The following ESPN variants were observed in gnomAD, a reference collection of about 807,000 sequenced individuals.
The protein encoded by ESPN is autosomal recessive deafness type 36 protein.
ESPN carries 68 observed loss-of-function variants against 77.7 expected under a neutral mutation model. The observed-to-expected ratio is 0.87, with a 90% CI of 0.72 to 1.07. The LOEUF (loss-of-function observed/expected upper bound fraction) is 1.07, where lower values mean the gene tolerates loss of function less well. ESPN is among the 50% of genes least tolerant of loss of function. The pLI, the probability that ESPN is intolerant of heterozygous loss-of-function variation, is 0.00. For synonymous variants in ESPN, 449 were observed against 567.1 expected (o/e 0.79, Z 2.96); for missense variants, 1,060 against 1,239.0 (o/e 0.86, Z 2.17).
chr1:6,448,717 C>A lies in ESPN; in HGVS notation c.1541C>A (p.Pro514His), dbSNP rs1279436261. Residue 514 changes from proline (P) to histidine (H), a missense_variant, in exon 8 of 13, where the codon CCC becomes CAC. This residue lies in a region of ESPN where 130 missense variants were observed against 223.9 expected (regional missense o/e 0.58). Coordinates refer to ENST00000645284, the MANE Select transcript of ESPN (RefSeq NM_031475.3). ...AAGCCCCGCGCCTTCAGCAAGCAGC[C>A]CAGCACGGGGGACTACTACCGGCAG... ...SRKPRAFSKQ[P>H]STGDYYRQLG... 2 of 1,512,020 alleles carry A rather than the reference C, an allele frequency of 1.3e-6. No homozygotes were observed. The highest frequency in any genetic ancestry group is 4.2e-5 in the Admixed American group (2 of 48,192). 93.7% of individuals were successfully genotyped at this position (1,512,020 alleles called of 1,614,324 possible).
intron 5 of ESPN, among the ~76,000 whole-genome samples, 195 bp from the exon 6 acceptor site, chr1:6,444,286 T>C (rs1643746572): frequency 6.6e-6 from 1 of 152,160 alleles, no homozygotes; most frequent in East Asian, 1.9e-4. Flanking sequence ...TGGGTCCTGC[T>C]GCCTGGCGGG....
intron 5 of ESPN, 145 bp downstream of exon 5, chr1:6,441,210 C>A: frequency 8.5e-7 from 1 of 1,173,600 alleles, no homozygotes; most frequent in Non-Finnish European, 1.2e-6. Context: ...CAGCCCAGAA[C>A]CACTGCCTAC....
At position 6,445,757 on chromosome 1, in the gene ESPN, C is replaced by G; in HGVS notation, c.1286C>G (p.Thr429Arg). Reference sequence around the variant, plus strand: ...CCTCGGGGCACGATTGGGAAGCCCACACCCCCACCACCCCCACCCAGCTTC... The same window carrying G: ...CCTCGGGGCACGATTGGGAAGCCCAGACCCCCACCACCCCCACCCAGCTTC... Reference protein sequence around the residue: ...GLPRGTIGKPTPPPPPPSFPP... With the variant: ...GLPRGTIGKPRPPPPPPSFPP... Residue 429 changes from threonine (T) to arginine (R), a missense_variant, in exon 7 of 13, where the codon ACA (threonine) becomes AGA (arginine). Transcript: ENST00000645284. 6.6e-7 allele frequency: 1 copy of G among 1,524,462 alleles called. No homozygotes were observed. The highest frequency in any genetic ancestry group is 8.9e-7 in the Non-Finnish European group (1 of 1,118,992). 94.4% of individuals were successfully genotyped at this position (1,524,462 alleles called of 1,614,324 possible).
Position 6,450,481 on chromosome 1 carries a change from G to A in ESPN, c.1916-1122G>A. The A allele has an allele frequency of 1.0e-6, 1 of 976,688 alleles. No individual in the cohort carries two copies. The highest frequency in any genetic ancestry group is 1.2e-6 in the Non-Finnish European group (1 of 821,568). The allele number at this position is 976,688 out of a possible 1,614,324, so 60.5% of individuals were successfully genotyped here. ...TGAGGCACAGGAAGAGTGAGTAGCT[G>A]CGTGCGCGGCTCCTGGCTGAGGCTG... On this transcript the variant is annotated intron_variant, in intron 8 of 12. Transcript: ENST00000645284. The surrounding 1 kb of genome is among the most constrained non-coding windows in gnomAD (Gnocchi z 4.3).
intron 5 of ESPN, among the ~76,000 whole-genome samples, chr1:6,442,177 G>C (rs113953325): frequency 6.6e-6 from 1 of 152,138 alleles, no homozygotes; most frequent in South Asian, 2.1e-4. Context: ...AGCTGCTAGC[G>C]GTCATAGGAC....
chr1:6,426,837 C>A (rs1046899460), intron 1 of ESPN, among the ~76,000 whole-genome samples: 1 of 152,040 alleles, frequency 6.6e-6, no homozygotes, highest in African/African-American at 2.4e-5. Flanking sequence ...CAGTCTCTGG[C>A]CCCCCCACTC....
In ESPN at chr1:6,447,140, C is replaced by A; in HGVS notation, c.1464+1205C>A. 1 of 153,128 alleles carries A rather than the reference C, an allele frequency of 6.5e-6. No homozygotes were observed. 9.5% of individuals were successfully genotyped at this position (153,128 alleles called of 1,614,324 possible). A position where few individuals can be genotyped will look rare whatever the true frequency, so the allele number is the denominator to read the frequency against. ...CGTGGTCCCCTCCTGGCTGTGTGAG[C>A]CCCCTCCCGGCTGTGTGCGTCCCTC... On this transcript the variant is annotated intron_variant, in intron 7 of 12. Transcript: ENST00000645284. The surrounding 1 kb of genome is among the most constrained non-coding windows in gnomAD (Gnocchi z 5.2).
In ESPN at chr1:6,441,002, C is replaced by T. The variant is rs3817912; in HGVS notation, c.927C>T (p.Ala309=). Residue 309 remains alanine (A), a synonymous_variant, in exon 5 of 13, where the codon GCC becomes GCT. Transcript: ENST00000645284. ...DVRDRDGYTA[A]DLSDFNGHSH... Reference sequence around the variant, plus strand: ...GCGACCGCGACGGGTACACGGCCGCCGACCTGTCGGACTTCAACGGCCACA... The same window carrying T: ...GCGACCGCGACGGGTACACGGCCGCTGACCTGTCGGACTTCAACGGCCACA... 3 of 1,609,704 alleles carry T rather than the reference C, an allele frequency of 1.9e-6. No homozygotes were observed. The highest frequency in any genetic ancestry group is 2.5e-6 in the Non-Finnish European group (3 of 1,179,056).
rs9435259 is a variant in ESPN at position 6,450,394 on chromosome 1, C to G, written c.1916-1209C>G. On this transcript the variant is annotated intron_variant, in intron 8 of 12. Coordinates refer to ENST00000645284, the MANE Select transcript of ESPN (RefSeq NM_031475.3). This position sits in a 1 kb window ranked among gnomAD's most constrained non-coding sequence, Gnocchi z 4.3. Reference sequence around the variant, plus strand: ...CCCCTGCTGTCCCAGTCTCATCCTGCCCCCCCTCCCTCCTAACTCCGCTGT... The same window carrying G: ...CCCCTGCTGTCCCAGTCTCATCCTGGCCCCCCTCCCTCCTAACTCCGCTGT... The G allele has an allele frequency of 4.7e-3, 4,057 of 860,352 alleles. 114 individuals are homozygous for G. The African/African-American group carries it at 0.064, about 14-fold the overall frequency. The allele number at this position is 860,352 out of a possible 1,614,324, so 53.3% of individuals were successfully genotyped here. A position where few individuals can be genotyped will look rare whatever the true frequency, so the allele number is the denominator to read the frequency against.
downstream of ESPN, chr1:6,461,336 G>A (rs1412263403): frequency 2.3e-5 from 32 of 1,408,788 alleles, no homozygotes; most frequent in Non-Finnish European, 3.0e-5. The surrounding 1 kb of genome is among the most constrained non-coding windows in gnomAD (Gnocchi z 6.3). Flanking sequence ...CGTGCCAGCG[G>A]CTTAATAAGT....
intron 10 of ESPN, chr1:6,456,423 TCCGCCTCTGGCCCCGTGGC>T (rs1305522993): frequency 2.9e-6 from 1 of 340,724 alleles, no homozygotes; most frequent in Non-Finnish European, 5.3e-6. Context: ...AGACCAGGTG[TCCGCCTCTGGCCCCGTGGC>T]CTTGCTGAGC....
chr1:6,434,020 C>T (rs184029394), intron 2 of ESPN, among the ~76,000 whole-genome samples: 8 of 152,224 alleles, frequency 5.3e-5, no homozygotes, highest in African/African-American at 1.9e-4. Context: ...CCTGCCTTAG[C>T]CTACCGAGTA....
intron 8 of ESPN, among the ~76,000 whole-genome samples, chr1:6,449,657 C>G (rs955293598): frequency 3.3e-5 from 5 of 152,224 alleles, no homozygotes; most frequent in African/African-American, 1.2e-4. Context: ...GCCAGGGGCC[C>G]TGGGCCAGCC....
rs138584954 is a variant in ESPN at position 6,442,403 on chromosome 1, T to A, written c.990+1338T>A. ...GGCCAACATGGTGAAATCCCATCTC[T>A]ACTAAAAATACAAAAAAAAATTTAG... is the stretch of plus-strand genomic sequence containing the variant. On this transcript the variant is annotated intron_variant, in intron 5 of 12. Transcript: ENST00000645284. Among the ~76,000 whole-genome samples the A allele has an allele frequency of 8.7e-3, 1,319 of 151,532 alleles. 17 individuals carry two copies. Among genetic ancestry groups the A allele is most frequent in the African/African-American group, 0.03 (1,244 of 41,250 alleles).
In ESPN at chr1:6,447,556, C is replaced by G. The variant is rs984883014; in HGVS notation, c.1465-1085C>G. On this transcript the variant is annotated intron_variant, in intron 7 of 12. Transcript: ENST00000645284. This position sits in a 1 kb window ranked among gnomAD's most constrained non-coding sequence, Gnocchi z 5.2. Reference sequence around the variant, plus strand: ...CCACCCGGTCACTCAGTCTTTGGCCCGGCCGCCTCACTCTCCCTCACTGAG... The same window carrying G: ...CCACCCGGTCACTCAGTCTTTGGCCGGGCCGCCTCACTCTCCCTCACTGAG... 1 of 152,348 alleles carries G rather than the reference C, an allele frequency of 6.6e-6. No homozygotes were observed. The highest frequency in any genetic ancestry group is 1.5e-5 in the Non-Finnish European group (1 of 68,136). The allele number at this position is 152,348 out of a possible 1,614,324, so 9.4% of individuals were successfully genotyped here.
At position 6,441,083 on chromosome 1, in the gene ESPN, C is replaced by T; in HGVS notation, c.990+18C>T. 1 of 1,608,480 alleles carries T rather than the reference C, an allele frequency of 6.2e-7. No individual in the cohort carries two copies. Among genetic ancestry groups the T allele is most frequent in the East Asian group, 2.2e-5 (1 of 44,758 alleles). ...AGAACCTGGTACGATCCCTGAGCTG[C>T]TCCTGTCGCATTCTTTCTTCTCGCC... On this transcript the variant is annotated intron_variant, in intron 5 of 12. Coordinates refer to ENST00000645284, the MANE Select transcript of ESPN (RefSeq NM_031475.3).
In ESPN at chr1:6,437,067, C is replaced by G. The variant is rs1458631879; in HGVS notation, c.489-3187C>G. Among the ~76,000 whole-genome samples, 3 of 152,046 alleles carry G rather than the reference C, an allele frequency of 2.0e-5. No homozygotes were observed. In the South Asian group the frequency reaches 6.2e-4, roughly 32 times the overall value. On this transcript the variant is annotated intron_variant, in intron 2 of 12. Coordinates refer to ENST00000645284, the MANE Select transcript of ESPN (RefSeq NM_031475.3). This position sits in a 1 kb window ranked among gnomAD's most constrained non-coding sequence, Gnocchi z 4.5. ...TGGAGGCTCTGACTCCATAATGGGG[C>G]GTGTGAGTGCAGATGGTGGAATACT...
intron 10 of ESPN, chr1:6,456,454 CTG>C: frequency 3.4e-6 from 1 of 296,732 alleles, no homozygotes; most frequent in Non-Finnish European, 6.2e-6. Context: ...TTGCTGAGCT[CTG>C]TGTGGAGCCA....
At chr1:6,435,144 C>T (rs1643388198) in intron 2 of ESPN, among the ~76,000 whole-genome samples, 1 of 151,870 alleles carries the variant, frequency 6.6e-6, no homozygotes, top group Non-Finnish European at 1.5e-5. Flanking sequence ...TAACATAGGC[C>T]GGGAAGTTTG....
Sources: allele counts gnomAD v4.1 joint callset (sites outside exome capture counted in the v4.1 genomes callset), GRCh38; gene constraint gnomAD v4.1.1; regional missense constraint gnomAD v4.1.1; non-coding constraint Gnocchi (gnomAD v3.1); transcripts MANE v1.5; gene names NCBI Gene and HGNC (gene_info 2026-07-23, HGNC 2026-07-21).